The following TMTC1 variants were observed in gnomAD, a reference collection of about 807,000 sequenced individuals.
The protein encoded by TMTC1 is transmembrane O-mannosyltransferase targeting cadherins 1, also known as protein O-mannosyl-transferase TMTC1.
In TMTC1, 73 loss-of-function variants were observed where a neutral mutation model predicts 104.8. The ratio of observed to expected loss-of-function variants is 0.70; its 90% CI spans 0.58 to 0.85. The LOEUF is 0.85. Ranked by LOEUF, TMTC1 falls within the 40% of genes least tolerant of loss-of-function variation. The pLI is 0.00. For synonymous variants in TMTC1, 434 were observed against 428.7 expected (o/e 1.01, Z -0.15); for missense variants, 1,035 against 1,096.1 (o/e 0.94, Z 0.79).
intron 8 of TMTC1, among the ~76,000 whole-genome samples, chr12:29,579,802 T>C (rs1424548185): frequency 6.6e-6 from 1 of 152,112 alleles, no homozygotes; most frequent in Non-Finnish European, 1.5e-5. Context: ...TTAAAGAAAA[T>C]ATGCCTTGCA....
At chr12:29,660,911 T>C in intron 5 of TMTC1, 1 of 1,399,986 alleles carries the variant, frequency 7.1e-7, no homozygotes, top group Admixed American at 2.2e-5. Flanking sequence ...AAAAAAATCT[T>C]AGATAAGTGT....
intron 7 of TMTC1, 128 bp downstream of exon 7, chr12:29,604,050 C>A (rs1592306892): frequency 7.8e-7 from 1 of 1,279,682 alleles, no homozygotes; most frequent in East Asian, 2.5e-5. Context: ...GTTTTTAAAG[C>A]TGAAATAATA....
intron 7 of TMTC1, among the ~76,000 whole-genome samples, chr12:29,585,816 G>C (rs958564730): frequency 6.6e-6 from 1 of 152,180 alleles, no homozygotes; most frequent in Non-Finnish European, 1.5e-5. Flanking sequence ...TTTGGTACCA[G>C]TACAATGCTG....
intron 7 of TMTC1, among the ~76,000 whole-genome samples, chr12:29,587,248 G>A (rs915080664): frequency 6.6e-6 from 1 of 152,056 alleles, no homozygotes; most frequent in African/African-American, 2.4e-5. Flanking sequence ...ATTCTCTGAT[G>A]GTAGTTTGTA....
At chr12:29,588,152 A>C (rs1946188787) in intron 7 of TMTC1, among the ~76,000 whole-genome samples, 1 of 152,190 alleles carries the variant, frequency 6.6e-6, no homozygotes. Context: ...ATTTGAGCTA[A>C]GGAGACCCAT....
At position 29,536,257 on chromosome 12, in the gene TMTC1, T is replaced by C. The variant is rs1368569325; in HGVS notation, c.1737A>G (p.Pro579=). Residue 579 remains proline, a synonymous_variant, in exon 11 of 18, where the codon CCA becomes CCG. Coordinates refer to ENST00000539277, the MANE Select transcript of TMTC1 (RefSeq NM_001193451.2). ...AGCTTGAATATGCATCTGCAAACTC[T>C]GGACCATATTTGATGGAATCCTTCA... ...TLLKDSIKYG[P]EFADAYSSLA... is the part of the protein sequence containing the mutation. 6.2e-7 allele frequency: 1 copy of C among 1,613,346 alleles called. No individual in the cohort carries two copies. Among genetic ancestry groups the C allele is most frequent in the Non-Finnish European group, 8.5e-7 (1 of 1,179,756 alleles).
intron 5 of TMTC1, among the ~76,000 whole-genome samples, chr12:29,697,203 C>CACTACAT (rs1295779738): frequency 1.3e-5 from 2 of 152,186 alleles, no homozygotes; most frequent in African/African-American, 2.4e-5. Flanking sequence ...ATACAGGTTC[C>CACTACAT]ACTACATACT....
chr12:29,662,666 C>CAA (rs35610791), intron 5 of TMTC1, among the ~76,000 whole-genome samples: 42 of 86,474 alleles, frequency 4.9e-4, no homozygotes, highest in East Asian at 2.0e-3. Context: ...GACTCCGTCT[C>CAA]AAAAAAAAAA....
At chr12:29,721,946 T>C (rs865833473) in intron 5 of TMTC1, among the ~76,000 whole-genome samples, 1 of 152,230 alleles carries the variant, frequency 6.6e-6, no homozygotes, top group Middle Eastern at 3.4e-3. Flanking sequence ...ATAAAGGGGT[T>C]TTGTTTTTCA....
At chr12:29,593,818 T>A (rs896857016) in intron 7 of TMTC1, among the ~76,000 whole-genome samples, 5 of 152,254 alleles carry the variant, frequency 3.3e-5, no homozygotes, top group African/African-American at 1.2e-4. Flanking sequence ...GTTTGGAAGT[T>A]CAAGCAGGTT....
At chr12:29,771,877 C>T (rs996938885) in intron 1 of TMTC1, among the ~76,000 whole-genome samples, 1 of 152,146 alleles carries the variant, frequency 6.6e-6, no homozygotes, top group African/African-American at 2.4e-5. Flanking sequence ...GAAATAATGC[C>T]AAGTTCTCCA....
At chr12:29,784,616 C>G (rs1034966397), upstream of TMTC1, 10 of 152,260 alleles carry the variant, frequency 6.6e-5, no homozygotes, top group Non-Finnish European at 1.5e-4. Flanking sequence ...CTTTACAGCC[C>G]CTTTCTTGGC....
intron 11 of TMTC1, among the ~76,000 whole-genome samples, chr12:29,527,526 C>T (rs1056743545): frequency 6.6e-6 from 1 of 152,226 alleles, no homozygotes; most frequent in Non-Finnish European, 1.5e-5. Flanking sequence ...GCATTGGTCA[C>T]TATTTACTTC....
intron 6 of TMTC1, among the ~76,000 whole-genome samples, chr12:29,623,173 T>C (rs1398536080): frequency 6.6e-6 from 1 of 152,204 alleles, no homozygotes; most frequent in Non-Finnish European, 1.5e-5. Flanking sequence ...TTTGTTTTTG[T>C]TTTGCATAGT....
intron 2 of TMTC1, among the ~76,000 whole-genome samples, chr12:29,766,915 A>T (rs1382798943): frequency 2.6e-5 from 4 of 151,860 alleles, no homozygotes; most frequent in African/African-American, 7.3e-5. Context: ...TCATGGAATG[A>T]TTAAATAAAT....
intron 10 of TMTC1, among the ~76,000 whole-genome samples, chr12:29,551,344 C>T (rs889204412): frequency 6.6e-6 from 1 of 152,114 alleles, no homozygotes; most frequent in African/African-American, 2.4e-5. Context: ...ATCCCTAGCA[C>T]TTAAAAGATA....
chr12:29,758,658 C>A (rs199590980), intron 3 of TMTC1, 46 bp downstream of exon 3: 1 of 1,568,202 alleles, frequency 6.4e-7, no homozygotes. Flanking sequence ...TCTACACACA[C>A]GGCACAGTTG....
chr12:29,506,850 G>A lies in TMTC1; in HGVS notation c.2645C>T (p.Thr882Ile), dbSNP rs778060311. 23 of 1,614,058 alleles carry A rather than the reference G, an allele frequency of 1.4e-5. No individual in the cohort carries two copies. Among genetic ancestry groups the A allele is most frequent in the Non-Finnish European group, 1.9e-5 (22 of 1,179,932 alleles). Residue 882 changes from threonine (T) to isoleucine (I), a missense_variant, in exon 18 of 18, where the codon ACA becomes ATA. Thr to Ile is a moderately conservative substitution (Grantham distance 89). Transcript: ENST00000539277. ...AGGTTGGGTCAGACGGTGGTGCTAT[G>A]TTTGATCCTTTTCTCGAACTTCTTG... Reference protein sequence around the residue: ...RLQEVREKDQT With the variant: ...RLQEVREKDQI
chr12:29,549,449 T>G (rs909194228), intron 10 of TMTC1, among the ~76,000 whole-genome samples: 4 of 152,142 alleles, frequency 2.6e-5, no homozygotes, highest in Non-Finnish European at 5.9e-5. Context: ...TACGTTATTT[T>G]GGGAATAATT....
Sources: gnomAD v4.1 joint callset for allele counts (sites outside exome capture counted in the v4.1 genomes callset) on GRCh38, gnomAD v4.1.1 for gene constraint, MANE v1.5 for transcripts, NCBI Gene and HGNC (gene_info 2026-07-23, HGNC 2026-07-21) for gene names.